Variants in BTN2A1 observed in about 807,000 individuals in gnomAD.
The protein encoded by BTN2A1 is butyrophilin, subfamily 2, member A1.
A neutral mutation model predicts 34.5 loss-of-function variants in BTN2A1; 41 were observed. The ratio of observed to expected loss-of-function variants is 1.19; its 90% CI spans 0.93 to 1.54. The LOEUF (loss-of-function observed/expected upper bound fraction) is 1.54, where lower values mean the gene tolerates loss of function less well. Among genes scored for constraint, BTN2A1 ranks in the 40% most tolerant of loss-of-function variants. BTN2A1 has a pLI of 0.00. For missense variants in BTN2A1, 642 were observed against 662.0 expected (o/e 0.97, Z 0.33); for synonymous variants, 267 against 258.6 (o/e 1.03, Z -0.31).
In BTN2A1 at chr6:26,468,222, T is replaced by G. The variant is rs750989456; in HGVS notation, c.1257T>G (p.Asn419Lys). The G allele has an allele frequency of 1.9e-6, 3 of 1,614,204 alleles. No individual in the cohort carries two copies. Among genetic ancestry groups the G allele is most frequent in the Non-Finnish European group, 2.5e-6 (3 of 1,180,032 alleles). ...RKGEVLLIPQ[N>K]GFWTLEMHKG... is the part of the protein sequence containing the mutation. ...GGGAGGTCCTGCTGATTCCTCAGAA[T>G]GGCTTCTGGACCTTGGAGATGCATA... The change falls in exon 8 of 8, where the codon AAT becomes AAG. Residue 419 changes from asparagine to lysine, a missense_variant. By Grantham distance (94) the Asn-to-Lys change is moderately conservative. Coordinates refer to ENST00000312541, the MANE Select transcript of BTN2A1 (RefSeq NM_007049.5).
intron 7 of BTN2A1, 105 bp from the exon 8 acceptor site, chr6:26,467,843 G>T (rs531056721): frequency 1.3e-6 from 2 of 1,560,888 alleles, no homozygotes; most frequent in African/African-American, 2.8e-5. Context: ...TGGCCACTAC[G>T]TGGGGATCCC....
rs893925903 is a variant in BTN2A1 at position 26,463,166 on chromosome 6, TCACAGAAGAGATGCAATAGG to T, written c.431-61_431-42del. The T allele has an allele frequency of 6.9e-6, 10 of 1,455,512 alleles. No individual in the cohort carries two copies. The African/African-American group carries it at 7.1e-5, about 10-fold the overall frequency. The allele number at this position is 1,455,512 out of a possible 1,614,324, so 90.2% of individuals were successfully genotyped here. A position where few individuals can be genotyped will look rare whatever the true frequency, so the allele number is the denominator to read the frequency against. On this transcript the variant is annotated intron_variant, in intron 3 of 7. Transcript: ENST00000312541. ...TCTTTTTTACCTTTACTTTCTAGCTTCACAGAAGAGATGCAATAGGCACAGAAGAGATGCAAAAGGCACTG... is the reference window on the plus strand; with the variant it reads ...TCTTTTTTACCTTTACTTTCTAGCTTCACAGAAGAGATGCAAAAGGCACTG...
Position 26,468,020 on chromosome 6 carries a change from G to A in BTN2A1, c.1055G>A (p.Arg352Lys), listed in dbSNP as rs1763364316. The change falls in exon 8 of 8, where the codon AGG (arginine) becomes AAG (lysine). Residue 352 changes from arginine to lysine, a missense_variant. By Grantham distance (26) the Arg-to-Lys change is conservative (BLOSUM62 2). Coordinates refer to ENST00000312541, the MANE Select transcript of BTN2A1 (RefSeq NM_007049.5). ...TCAGAGGACCGGAGAAGTGTGAGAA[G>A]GTGCCCCTTCAGGCACCTAGGGGAG... The part of the protein sequence containing the change: ...FLSEDRRSVR[R>K]CPFRHLGESV... The A allele has an allele frequency of 1.2e-6, 2 of 1,614,100 alleles. No individual in the cohort carries two copies. The highest frequency in any genetic ancestry group is 1.7e-5 in the Admixed American group (1 of 60,008).
In BTN2A1 at chr6:26,468,265, G is replaced by A. The variant is rs149413459; in HGVS notation, c.1300G>A (p.Val434Met). Residue 434 changes from valine (V) to methionine (M), a missense_variant, in exon 8 of 8, where the codon GTG (valine) becomes ATG (methionine). Physicochemically the swap from Val to Met is conservative, Grantham distance 21. Transcript: ENST00000312541. ...GATGCATAAAGGGCAATACCGGGCCGTGTCCTCCCCTGATAGGATTCTCCC... is the reference window on the plus strand; with the variant it reads ...GATGCATAAAGGGCAATACCGGGCCATGTCCTCCCCTGATAGGATTCTCCC... ...LEMHKGQYRAVSSPDRILPLK... is the reference protein window; with the variant it reads ...LEMHKGQYRAMSSPDRILPLK... 67 of 1,614,092 alleles carry A rather than the reference G, an allele frequency of 4.2e-5. No individual in the cohort carries two copies. Among genetic ancestry groups the A allele is most frequent in the African/African-American group, 8.0e-5 (6 of 74,914 alleles).
chr6:26,461,560 G>C (rs868794650), intron 3 of BTN2A1, among the ~76,000 whole-genome samples: 4 of 152,240 alleles, frequency 2.6e-5, no homozygotes, highest in South Asian at 2.1e-4. Flanking sequence ...AGGCGGGTGG[G>C]TCATCCGAGG....
chr6:26,461,365 C>A (rs929991472), intron 3 of BTN2A1, among the ~76,000 whole-genome samples: 1 of 152,232 alleles, frequency 6.6e-6, no homozygotes, highest in African/African-American at 2.4e-5. Context: ...TTTTGTCATG[C>A]TTGCCTGTAT....
rs1465192669 is a variant in BTN2A1 at position 26,463,406 on chromosome 6, A to G, written c.593A>G (p.Asp198Gly). Residue 198 changes from aspartate (D) to glycine (G), a missense_variant, in exon 4 of 8, where the codon GAC becomes GGC. By Grantham distance (94) the Asp-to-Gly change is moderately conservative (BLOSUM62 -1). Transcript: ENST00000312541. ...ALKEVSMPDA[D>G]GLFMVTTAVI... The stretch of plus-strand genomic sequence containing the variant: ...AAAGAGGTCTCCATGCCTGATGCAG[A>G]CGGCCTCTTCATGGTCACCACGGCT... 1.2e-6 allele frequency: 2 copies of G among 1,614,166 alleles called. No homozygotes were observed. The highest frequency in any genetic ancestry group is 1.1e-5 in the South Asian group (1 of 91,082).
downstream of BTN2A1, chr6:26,469,766 T>G (rs1385249120): frequency 6.6e-6 from 1 of 152,172 alleles, no homozygotes; most frequent in Non-Finnish European, 1.5e-5. Flanking sequence ...TTTATCCTAG[T>G]GACAGAATGA....
At chr6:26,459,939 T>TTGCCACAGGGAGA in intron 3 of BTN2A1, 111 bp downstream of exon 3, 3 of 230,222 alleles carry the variant, frequency 1.3e-5, no homozygotes, top group Non-Finnish European at 2.3e-5. Context: ...TGGACTCCCT[T>TTGCCACAGGGAGA]TTCCACTCTC....
downstream of BTN2A1, among the ~76,000 whole-genome samples, chr6:26,470,365 G>C (rs1410872399): frequency 1.3e-5 from 2 of 151,516 alleles, no homozygotes; most frequent in Non-Finnish European, 1.5e-5. Flanking sequence ...GAGGGGGAGG[G>C]AACTTATGTC....
At chr6:26,472,000 T>G (rs1275531261), downstream of BTN2A1, among the ~76,000 whole-genome samples, 1 of 152,266 alleles carries the variant, frequency 6.6e-6, no homozygotes, top group Non-Finnish European at 1.5e-5. Context: ...TATCATTGGC[T>G]TTGACAAAAT....
chr6:26,473,512 A>G (rs1410839452), downstream of BTN2A1, among the ~76,000 whole-genome samples: 2 of 152,212 alleles, frequency 1.3e-5, no homozygotes, highest in Admixed American at 6.5e-5. Flanking sequence ...AAATAGATGC[A>G]ATAGATCTAG....
rs144703894 is a variant in BTN2A1, at chr6:26,463,748, T to TTTG, written c.712+250_712+252dup. 2.5e-3 allele frequency among the ~76,000 whole-genome samples: 383 copies of TTTG among 150,932 alleles called. 5 individuals are homozygous for TTTG. The East Asian group carries it at 0.033, about 13-fold the overall frequency. ...CCTCTTCTCTGAGGGTAAACCTGTT[T>TTTG]TTGTTGTTGTTGTTGTTGTTGTTGT... On this transcript the variant is annotated intron_variant, in intron 4 of 7. Transcript: ENST00000312541.
downstream of BTN2A1, among the ~76,000 whole-genome samples, chr6:26,473,327 A>G (rs1763482231): frequency 6.6e-6 from 1 of 152,206 alleles, no homozygotes; most frequent in African/African-American, 2.4e-5. Flanking sequence ...AAACAAATAC[A>G]CATGAAAATA....
chr6:26,461,294 T>C (rs189431394), intron 3 of BTN2A1, among the ~76,000 whole-genome samples: 2 of 152,352 alleles, frequency 1.3e-5, no homozygotes, highest in Non-Finnish European at 2.9e-5. Context: ...ACTTTTTGTT[T>C]GTTTGTTCAT....
At chr6:26,465,824 A>C in intron 5 of BTN2A1, 129 bp from the exon 6 acceptor site, 1 of 1,533,550 alleles carries the variant, frequency 6.5e-7, no homozygotes, top group Non-Finnish European at 8.8e-7. Flanking sequence ...GGTTTCTGAC[A>C]GTGCCCTAGG....
chr6:26,460,163 T>G (rs1763124979), intron 3 of BTN2A1, among the ~76,000 whole-genome samples: 1 of 152,038 alleles, frequency 6.6e-6, no homozygotes, highest in Admixed American at 6.5e-5. Flanking sequence ...TTTTTTTTCT[T>G]TTTGAGACAG....
chr6:26,474,669 T>C (rs1337897561), intron 7 of BTN2A1, among the ~76,000 whole-genome samples: 1 of 152,002 alleles, frequency 6.6e-6, no homozygotes, highest in African/African-American at 2.4e-5. Flanking sequence ...GAGGCTGAGA[T>C]TTGGCTGAAG....
At chr6:26,470,506 C>T (rs1763430815), downstream of BTN2A1, among the ~76,000 whole-genome samples, 1 of 150,944 alleles carries the variant, frequency 6.6e-6, no homozygotes, top group South Asian at 2.1e-4. Flanking sequence ...AATACCTAGA[C>T]AACTGATGGA....
Sources: gnomAD v4.1 joint callset for allele counts (sites outside exome capture counted in the v4.1 genomes callset) on GRCh38, gnomAD v4.1.1 for gene constraint, MANE v1.5 for transcripts, NCBI Gene and HGNC (gene_info 2026-07-23, HGNC 2026-07-21) for gene names.